SPG11: variants seen among roughly 807,000 people sequenced by gnomAD.
SPG11 encodes SPG11 vesicle trafficking associated, spatacsin, also known as spatacsin.
In SPG11, 222 loss-of-function variants were observed where a neutral mutation model predicts 274.0. The observed-to-expected ratio is 0.81, with a 90% CI of 0.73 to 0.91. The LOEUF (loss-of-function observed/expected upper bound fraction) is 0.91, where lower values mean the gene tolerates loss of function less well. Ranked by LOEUF, SPG11 falls within the 40% of genes least tolerant of loss-of-function variation. The probability of loss-of-function intolerance (pLI) is 0.00; values close to 1 mark genes in which losing one functional copy is unlikely to be tolerated. For synonymous variants in SPG11, 1,144 were observed against 1,039.7 expected (o/e 1.10, Z -1.93); for missense variants, 3,114 against 2,872.7 (o/e 1.08, Z -1.92).
chr15:44,600,734 A>C lies in SPG11; in HGVS notation c.3521-102T>G. Reference sequence around the variant, plus strand: ...AATGATAAAACTGGTTGCTGTAATTATTTTGCATCACTACGTATCACTTTG... The same window carrying C: ...AATGATAAAACTGGTTGCTGTAATTCTTTTGCATCACTACGTATCACTTTG... On this transcript the variant is annotated intron_variant, in intron 20 of 39. Transcript: ENST00000261866. 7 of 1,270,228 alleles carry C rather than the reference A, an allele frequency of 5.5e-6. No individual in the cohort carries two copies. The South Asian group carries it at 8.5e-5, about 15-fold the overall frequency. The allele number at this position is 1,270,228 out of a possible 1,614,324, so 78.7% of individuals were successfully genotyped here.
intron 8 of SPG11, among the ~76,000 whole-genome samples, chr15:44,630,615 T>G (rs1403815199): frequency 2.0e-5 from 3 of 152,174 alleles, no homozygotes; most frequent in Admixed American, 6.5e-5. Context: ...GCGTTTCACT[T>G]GTCCTCCAGG....
intron 10 of SPG11, among the ~76,000 whole-genome samples, chr15:44,627,365 T>G (rs560935642): frequency 6.6e-6 from 1 of 152,244 alleles, no homozygotes; most frequent in African/African-American, 2.4e-5. Flanking sequence ...TGTATAAAAT[T>G]TTGTCTATGT....
intron 30 of SPG11, among the ~76,000 whole-genome samples, chr15:44,576,521 T>C (rs897575529): frequency 6.6e-5 from 10 of 151,346 alleles, no homozygotes; most frequent in Non-Finnish European, 1.0e-4. Flanking sequence ...TGGTGGCGGG[T>C]GCCTGTAGTC....
chr15:44,565,782 C>G (rs1304082847), intron 38 of SPG11, 72 bp downstream of exon 38: 1 of 1,590,476 alleles, frequency 6.3e-7, no homozygotes, highest in East Asian at 2.2e-5. Flanking sequence ...GACCTTACCT[C>G]TGGGTTCCAT....
chr15:44,642,434 TTATA>T (rs994359482), intron 7 of SPG11, among the ~76,000 whole-genome samples: 1 of 146,422 alleles, frequency 6.8e-6, no homozygotes, highest in African/African-American at 2.5e-5. Context: ...AAATATATAA[TTATA>T]TATATACACA....
At chr15:44,612,566 T>C (rs935448981) in intron 17 of SPG11, among the ~76,000 whole-genome samples, 1 of 152,074 alleles carries the variant, frequency 6.6e-6, no homozygotes, top group East Asian at 1.9e-4. Flanking sequence ...AGCTAATTTT[T>C]AAAAATCTTT....
chr15:44,572,642 G>T (rs375605223), intron 33 of SPG11, 41 bp downstream of exon 33: 1 of 1,612,740 alleles, frequency 6.2e-7, no homozygotes, highest in East Asian at 2.2e-5. Flanking sequence ...TTTGAGACCT[G>T]TTTAGGGCCA....
intron 36 of SPG11, among the ~76,000 whole-genome samples, chr15:44,566,853 C>A (rs1442076162): frequency 6.6e-6 from 1 of 152,052 alleles, no homozygotes; most frequent in African/African-American, 2.4e-5. Context: ...GTGCATGCCG[C>A]CACACCTGGC....
chr15:44,600,863 T>C (rs1023029043), intron 20 of SPG11, among the ~76,000 whole-genome samples: 2 of 152,150 alleles, frequency 1.3e-5, no homozygotes, highest in Admixed American at 6.5e-5. Flanking sequence ...TGGTAAGAAA[T>C]GATGCTTCAG....
rs999164167 is a variant in SPG11 at position 44,598,969 on chromosome 15, G to A, written c.3687-133C>T. Reference sequence around the variant, plus strand: ...TGTGGCCTCCTCTCCCTTACCTTTTGCCCCTTGCACATACCCGTTTAGGTT... The same window carrying A: ...TGTGGCCTCCTCTCCCTTACCTTTTACCCCTTGCACATACCCGTTTAGGTT... On this transcript the variant is annotated intron_variant, in intron 21 of 39. Transcript: ENST00000261866. The A allele has an allele frequency of 1.2e-5, 11 of 912,972 alleles. No individual in the cohort carries two copies. In the African/African-American group the frequency reaches 1.5e-4, roughly 12 times the overall value. The allele number at this position is 912,972 out of a possible 1,614,324, so 56.6% of individuals were successfully genotyped here.
rs34800368 is a variant in SPG11, at chr15:44,585,602, T to TAA, written c.5121+32_5121+33dup. 4.0e-3 allele frequency: 4,791 copies of TAA among 1,190,708 alleles called. 30 individuals carry two copies. The highest frequency in any genetic ancestry group is 0.03 in the East Asian group (1,062 of 35,888). 73.8% of individuals were successfully genotyped at this position (1,190,708 alleles called of 1,614,324 possible). On this transcript the variant is annotated intron_variant, in intron 29 of 39. Transcript: ENST00000261866. The stretch of plus-strand genomic sequence containing the variant: ...GGGTGACAGAGCAAGACCCCGTATC[T>TAA]AAAAAAAAAAAAAAAAAAAAAGACC...
chr15:44,630,093 T>C (rs575461969), intron 8 of SPG11, among the ~76,000 whole-genome samples: 1 of 152,272 alleles, frequency 6.6e-6, no homozygotes, highest in Admixed American at 6.5e-5. Flanking sequence ...AGGGCCAAAA[T>C]TTGAATTTAA....
chr15:44,651,109 A>C (rs1270317395), intron 6 of SPG11, among the ~76,000 whole-genome samples: 1 of 152,166 alleles, frequency 6.6e-6, no homozygotes, highest in Non-Finnish European at 1.5e-5. Flanking sequence ...TCTCATTCTG[A>C]ATGTTTATAA....
chr15:44,622,446 A>C, intron 12 of SPG11, 99 bp from the exon 13 acceptor site: 1 of 1,023,062 alleles, frequency 9.8e-7, no homozygotes. Flanking sequence ...CTGGGAATTA[A>C]AGATTATTAA....
At chr15:44,570,404 T>C in intron 34 of SPG11, 121 bp downstream of exon 34, 2 of 1,237,710 alleles carry the variant, frequency 1.6e-6, no homozygotes, top group African/African-American at 1.5e-5. Flanking sequence ...CTCAAGTAGG[T>C]AGTGGTATCC....
At chr15:44,636,321 G>A (rs1356581236) in intron 7 of SPG11, among the ~76,000 whole-genome samples, 1 of 151,692 alleles carries the variant, frequency 6.6e-6, no homozygotes, top group African/African-American at 2.4e-5. Context: ...AGTGATGGGA[G>A]TAAAAACTAA....
intron 2 of SPG11, among the ~76,000 whole-genome samples, chr15:44,659,767 T>A (rs539262800): frequency 6.6e-6 from 1 of 152,314 alleles, no homozygotes; most frequent in African/African-American, 2.4e-5. Context: ...GCCACATACA[T>A]GACTTAAAAT....
chr15:44,634,683 T>A (rs1350387173), intron 7 of SPG11, among the ~76,000 whole-genome samples: 2 of 151,856 alleles, frequency 1.3e-5, no homozygotes, highest in East Asian at 3.9e-4. Flanking sequence ...GCCTCCCAGG[T>A]TCAAGTGATC....
chr15:44,615,365 G>A lies in SPG11; in HGVS notation c.3036C>T (p.Tyr1012=). 1.2e-6 allele frequency: 2 copies of A among 1,613,346 alleles called. No individual in the cohort carries two copies. Among genetic ancestry groups the A allele is most frequent in the Non-Finnish European group, 8.5e-7 (1 of 1,179,814 alleles). The part of the protein sequence containing the change: ...QHLLYVYLDC[Y]KLSPENCPFL... ...ACAAATGCATTCTCAGTACTCACTTGTAACAGTCAAGGTAGACATAAAGAA... is the reference window on the plus strand; with the variant it reads ...ACAAATGCATTCTCAGTACTCACTTATAACAGTCAAGGTAGACATAAAGAA... Residue 1012 remains tyrosine, a splice_region_variant and synonymous_variant, in exon 16 of 40, where the codon TAC becomes TAT. Coordinates refer to ENST00000261866, the MANE Select transcript of SPG11 (RefSeq NM_025137.4).
Sources: allele counts gnomAD v4.1 joint callset (sites outside exome capture counted in the v4.1 genomes callset), GRCh38; gene constraint gnomAD v4.1.1; transcripts MANE v1.5; gene names NCBI Gene and HGNC (gene_info 2026-07-23, HGNC 2026-07-21).